Variants in DDX4 observed in about 807,000 individuals in gnomAD.
The protein encoded by DDX4 is probable ATP-dependent RNA helicase DDX4.
DDX4 carries 25 observed loss-of-function variants against 100.0 expected under a neutral mutation model. That is an observed-to-expected ratio of 0.25 (90% CI 0.18 to 0.35). The LOEUF is 0.35. Ranked by LOEUF, DDX4 falls within the 10% of genes least tolerant of loss-of-function variation. DDX4 has a pLI of 1.00. For synonymous variants in DDX4, 259 were observed against 275.7 expected, an observed-to-expected ratio of 0.94 and a Z score of 0.60; for missense variants, 635 against 882.4, an observed-to-expected ratio of 0.72 and a Z score of 3.55.
intron 18 of DDX4, among the ~76,000 whole-genome samples, chr5:55,810,713 A>G (rs981619247): frequency 6.6e-6 from 1 of 152,206 alleles, no homozygotes; most frequent in Admixed American, 6.5e-5. Flanking sequence ...TAATGAAATA[A>G]TAAACCTTTG....
At chr5:55,786,774 A>G in intron 14 of DDX4, 104 bp downstream of exon 14, 3 of 846,926 alleles carry the variant, frequency 3.5e-6, no homozygotes, top group South Asian at 1.7e-5. Context: ...AGATGGTTTC[A>G]GTTACCTGTC....
intron 2 of DDX4, chr5:55,741,971 G>T: frequency 3.3e-6 from 1 of 299,012 alleles, no homozygotes; most frequent in South Asian, 3.0e-5. Context: ...ATCCTTTTCT[G>T]AGTGCTTCTC....
intron 16 of DDX4, among the ~76,000 whole-genome samples, chr5:55,792,383 C>T (rs550936461): frequency 8.6e-4 from 128 of 149,516 alleles, no homozygotes; most frequent in Middle Eastern, 3.5e-3. Context: ...TTTTTTGAGA[C>T]GGAGTCTCGC....
chr5:55,809,328 C>G (rs2112173621), intron 18 of DDX4, among the ~76,000 whole-genome samples: 1 of 152,246 alleles, frequency 6.6e-6, no homozygotes, highest in African/African-American at 2.4e-5. Flanking sequence ...GTGTCCTGCA[C>G]CCAGTTTCTG....
At chr5:55,739,590 A>G (rs1758870426) in intron 2 of DDX4, among the ~76,000 whole-genome samples, 1 of 152,192 alleles carries the variant, frequency 6.6e-6, no homozygotes, top group Admixed American at 6.5e-5. Context: ...AAAGATGAAT[A>G]GAAGGTACTT....
intron 19 of DDX4, among the ~76,000 whole-genome samples, chr5:55,814,085 A>G (rs991797842): frequency 6.6e-6 from 1 of 152,202 alleles, no homozygotes; most frequent in African/African-American, 2.4e-5. Flanking sequence ...CCCCTTATCA[A>G]ATTTTCCTTT....
chr5:55,816,679 A>T lies in DDX4; in HGVS notation c.*139A>T. ...TTCTCACTCCTACACTTAAAAAAAA[A>T]ATCCTTACTGACTAGTTATGTGAGA... is the stretch of plus-strand genomic sequence containing the variant. On this transcript the variant is annotated 3_prime_UTR_variant, in exon 22 of 22. Coordinates refer to ENST00000505374, the MANE Select transcript of DDX4 (RefSeq NM_024415.3). 2.9e-6 allele frequency: 4 copies of T among 1,399,012 alleles called. No homozygotes were observed. Among genetic ancestry groups the T allele is most frequent in the Non-Finnish European group, 2.8e-6 (3 of 1,062,148 alleles). The allele number at this position is 1,399,012 out of a possible 1,614,324, so 86.7% of individuals were successfully genotyped here.
At chr5:55,765,413 A>AATAAATATATATATATATATAT (rs1740849904) in intron 6 of DDX4, among the ~76,000 whole-genome samples, 2 of 83,010 alleles carry the variant, frequency 2.4e-5, no homozygotes, top group African/African-American at 1.2e-4. Flanking sequence ...AAAAAAAAAA[A>AATAAATATATATATATATATAT]ATATATATAT....
intron 7 of DDX4, among the ~76,000 whole-genome samples, chr5:55,778,893 CAAA>C (rs35427276): frequency 6.8e-6 from 1 of 147,306 alleles, no homozygotes; most frequent in Admixed American, 6.8e-5. Context: ...GACTTCGCCT[CAAA>C]AAAAAAAAAG....
intron 7 of DDX4, among the ~76,000 whole-genome samples, chr5:55,778,268 G>T (rs1741694708): frequency 6.6e-6 from 1 of 152,062 alleles, no homozygotes. Context: ...CAGAGCACAT[G>T]AAAACTTTGA....
intron 17 of DDX4, among the ~76,000 whole-genome samples, chr5:55,796,407 A>G (rs1344214299): frequency 6.6e-6 from 1 of 152,182 alleles, no homozygotes; most frequent in Admixed American, 6.5e-5. Context: ...TTAGGTCCTT[A>G]TCAATTTTGC....
chr5:55,778,665 G>A (rs530042596), intron 7 of DDX4, among the ~76,000 whole-genome samples: 1 of 152,240 alleles, frequency 6.6e-6, no homozygotes, highest in African/African-American at 2.4e-5. Context: ...AGGCCAAGGT[G>A]GGCAGATCAC....
chr5:55,749,712 T>C (rs192720937), intron 3 of DDX4, among the ~76,000 whole-genome samples: 4 of 152,240 alleles, frequency 2.6e-5, no homozygotes, highest in African/African-American at 7.2e-5. Context: ...TCTTTATTAC[T>C]CATGTTTGAT....
intron 3 of DDX4, among the ~76,000 whole-genome samples, chr5:55,747,746 C>T (rs1052568219): frequency 1.3e-5 from 2 of 152,208 alleles, no homozygotes; most frequent in Non-Finnish European, 2.9e-5. Context: ...CCTCCTCTCC[C>T]CTGATCCTGG....
chr5:55,763,274 C>G (rs749254069), intron 5 of DDX4, 22 bp downstream of exon 5: 1 of 1,455,958 alleles, frequency 6.9e-7, no homozygotes, highest in Non-Finnish European at 9.6e-7. Context: ...GTTATGATAT[C>G]TTACAATCAA....
intron 16 of DDX4, among the ~76,000 whole-genome samples, chr5:55,791,652 A>G (rs558118892): frequency 6.6e-6 from 1 of 152,322 alleles, no homozygotes; most frequent in East Asian, 1.9e-4. Context: ...TTAGAGTCTA[A>G]CTTTATCAAA....
At chr5:55,802,474 C>T (rs868423123) in intron 18 of DDX4, among the ~76,000 whole-genome samples, 1 of 152,112 alleles carries the variant, frequency 6.6e-6, no homozygotes, top group Non-Finnish European at 1.5e-5. Flanking sequence ...TCATTCAGTC[C>T]TTATGTAATT....
chr5:55,754,170 C>A (rs1401265226), intron 3 of DDX4, among the ~76,000 whole-genome samples: 1 of 149,670 alleles, frequency 6.7e-6, no homozygotes, highest in African/African-American at 2.4e-5. Flanking sequence ...TTATTTCCTT[C>A]TCCTGCCTAA....
chr5:55,767,330 A>G (rs964530442), intron 6 of DDX4, among the ~76,000 whole-genome samples: 2 of 152,124 alleles, frequency 1.3e-5, no homozygotes, highest in Admixed American at 1.3e-4. Flanking sequence ...AATCCCAGCT[A>G]CTCGGTAGGC....
Sources: gnomAD v4.1 joint callset for allele counts (sites outside exome capture counted in the v4.1 genomes callset) on GRCh38, gnomAD v4.1.1 for gene constraint, MANE v1.5 for transcripts, NCBI Gene and HGNC (gene_info 2026-07-23, HGNC 2026-07-21) for gene names.